AGAP1: variants seen among roughly 807,000 people sequenced by gnomAD.
AGAP1 encodes ArfGAP with GTPase domain, ankyrin repeat and PH domain 1, also known as arf-GAP with GTPase, ANK repeat and PH domain-containing protein 1.
A neutral mutation model predicts 105.3 loss-of-function variants in AGAP1; 29 were observed. The ratio of observed to expected loss-of-function variants is 0.28; its 90% CI spans 0.21 to 0.38. The LOEUF (loss-of-function observed/expected upper bound fraction) is 0.38, where lower values mean the gene tolerates loss of function less well. Ranked by LOEUF, AGAP1 falls within the 10% of genes least tolerant of loss-of-function variation. The probability of loss-of-function intolerance (pLI) is 1.00; values close to 1 mark genes in which losing one functional copy is unlikely to be tolerated. For synonymous variants in AGAP1, 509 were observed against 485.9 expected (o/e 1.05, Z -0.63); for missense variants, 998 against 1,165.1 (o/e 0.86, Z 2.09).
chr2:235,808,317 C>T (rs773060414), intron 9 of AGAP1, among the ~76,000 whole-genome samples: 24 of 152,358 alleles, frequency 1.6e-4, no homozygotes, highest in Non-Finnish European at 2.5e-4. Context: ...GGCACCTACA[C>T]AGCATCGGTA....
Position 235,958,600 on chromosome 2 carries a change from G to A in AGAP1, c.1484-9862G>A, listed in dbSNP as rs1005061710. 2.0e-5 allele frequency among the ~76,000 whole-genome samples: 3 copies of A among 152,156 alleles called. No homozygotes were observed. Among genetic ancestry groups the A allele is most frequent in the African/African-American group, 4.8e-5 (2 of 41,432 alleles). ...AAATTGCCCAGCTAATGATCGGCTG[G>A]GCAGATAATCGGAGGAGAGTTAATT... is the stretch of plus-strand genomic sequence containing the variant. On this transcript the variant is annotated intron_variant, in intron 12 of 17. Coordinates refer to ENST00000304032, the MANE Select transcript of AGAP1 (RefSeq NM_001037131.3). This position sits in a 1 kb window ranked among gnomAD's most constrained non-coding sequence, Gnocchi z 4.1.
At position 235,622,472 on chromosome 2, in the gene AGAP1, GAC is replaced by G. The variant is rs368317110; in HGVS notation, c.164-86705_164-86704del. On this transcript the variant is annotated intron_variant, in intron 1 of 17. Transcript: ENST00000304032. The surrounding 1 kb of genome is among the most constrained non-coding windows in gnomAD (Gnocchi z 5.0). The stretch of plus-strand genomic sequence containing the variant: ...CTGGTGCCTGGACTCAATCTGCAGA[GAC>G]AGGTGTCTGGGATCTGAAGACAGCA... 7.9e-5 allele frequency among the ~76,000 whole-genome samples: 12 copies of G among 152,326 alleles called. No homozygotes were observed. The highest frequency in any genetic ancestry group is 2.9e-4 in the African/African-American group (12 of 41,574).
chr2:236,117,110 G>A (rs529894598), intron 16 of AGAP1, among the ~76,000 whole-genome samples: 29 of 152,284 alleles, frequency 1.9e-4, no homozygotes, highest in African/African-American at 6.5e-4. Context: ...TCCTCTGAGT[G>A]GGTACAGTAG....
intron 1 of AGAP1, among the ~76,000 whole-genome samples, chr2:235,499,613 C>T (rs1941479852): frequency 6.6e-6 from 1 of 152,200 alleles, no homozygotes; most frequent in South Asian, 2.1e-4. Flanking sequence ...GTCCAGCTTA[C>T]TCATGCTTCT....
At chr2:235,780,067 C>T (rs1956161818) in intron 6 of AGAP1, among the ~76,000 whole-genome samples, 1 of 152,188 alleles carries the variant, frequency 6.6e-6, no homozygotes, top group African/African-American at 2.4e-5. Flanking sequence ...CCACGTTAGC[C>T]TAAAAGAGTG....
chr2:235,880,417 C>G (rs562944304), intron 9 of AGAP1, among the ~76,000 whole-genome samples: 3 of 152,012 alleles, frequency 2.0e-5, no homozygotes, highest in South Asian at 2.1e-4. Flanking sequence ...CACCAGAGAC[C>G]GTGGCCCTGG....
At chr2:235,651,645 G>T (rs1475876706) in intron 1 of AGAP1, among the ~76,000 whole-genome samples, 3 of 152,154 alleles carry the variant, frequency 2.0e-5, no homozygotes, top group Non-Finnish European at 4.4e-5. Context: ...CCTGTGTGCT[G>T]GTGGGTGGGC....
At position 235,874,459 on chromosome 2, in the gene AGAP1, CCTT is replaced by C; in HGVS notation, c.1051-8885_1051-8883del. On this transcript the variant is annotated intron_variant, in intron 9 of 17. Transcript: ENST00000304032. This position sits in a 1 kb window ranked among gnomAD's most constrained non-coding sequence, Gnocchi z 4.5. The stretch of plus-strand genomic sequence containing the variant: ...CTCAGACATGGCTGCCCTCATGCCT[CCTT>C]GGGGCCAGGGCTGTGGTTATAGTTG... Among the ~76,000 whole-genome samples the C allele has an allele frequency of 6.6e-6, 1 of 152,310 alleles. No individual in the cohort carries two copies. Among genetic ancestry groups the C allele is most frequent in the East Asian group, 1.9e-4 (1 of 5,176 alleles).
At chr2:235,881,071 A>G (rs12692182) in intron 9 of AGAP1, among the ~76,000 whole-genome samples, 59,341 of 152,066 alleles carry the variant, frequency 0.39, 12,062 homozygotes, top group South Asian at 0.73. Context: ...CAAAGAAATC[A>G]TCTTCTAAAG....
rs1457311284 is a variant in AGAP1 at position 236,127,981 on chromosome 2, G to C, written c.*3859G>C. 2 of 152,214 alleles carry C rather than the reference G, an allele frequency of 1.3e-5. No homozygotes were observed. The highest frequency in any genetic ancestry group is 4.8e-5 in the African/African-American group (2 of 41,408). The allele number at this position is 152,214 out of a possible 1,614,324, so 9.4% of individuals were successfully genotyped here. A position where few individuals can be genotyped will look rare whatever the true frequency, so the allele number is the denominator to read the frequency against. On this transcript the variant is annotated 3_prime_UTR_variant, in exon 18 of 18. Transcript: ENST00000304032. This position sits in a 1 kb window ranked among gnomAD's most constrained non-coding sequence, Gnocchi z 6.6. ...TTGTTAATAACAGAAACACTGATGG[G>C]ACCGAAGCCAGTGCACACACCAGGA...
Position 236,046,922 on chromosome 2 carries a change from C to G in AGAP1, c.1892-2137C>G, listed in dbSNP as rs1278950523. Among the ~76,000 whole-genome samples the G allele has an allele frequency of 6.6e-6, 1 of 152,158 alleles. No homozygotes were observed. The highest frequency in any genetic ancestry group is 1.5e-5 in the Non-Finnish European group (1 of 68,028). On this transcript the variant is annotated intron_variant, in intron 15 of 17. Coordinates refer to ENST00000304032, the MANE Select transcript of AGAP1 (RefSeq NM_001037131.3). This position sits in a 1 kb window ranked among gnomAD's most constrained non-coding sequence, Gnocchi z 5.2. The stretch of plus-strand genomic sequence containing the variant: ...CCCAGGCAGGAGGATTGCTTGAGCC[C>G]AGTGGTTGAAGCCTGGGCAACATAG...
At chr2:235,646,324 T>TAAG (rs1433337088) in intron 1 of AGAP1, among the ~76,000 whole-genome samples, 1 of 151,982 alleles carries the variant, frequency 6.6e-6, no homozygotes, top group Non-Finnish European at 1.5e-5. Flanking sequence ...GGAGCCATCT[T>TAAG]AAGATAATGC....
At position 235,951,842 on chromosome 2, in the gene AGAP1, A is replaced by C. The variant is rs112017265; in HGVS notation, c.1484-16620A>C. 2.0e-5 allele frequency among the ~76,000 whole-genome samples: 3 copies of C among 152,290 alleles called. No individual in the cohort carries two copies. Among genetic ancestry groups the C allele is most frequent in the African/African-American group, 7.2e-5 (3 of 41,568 alleles). ...ACCAGCCAAACTTAGAGCTTCATAA[A>C]TGCAGGAAACTGTCAGGTTCCTTTC... On this transcript the variant is annotated intron_variant, in intron 12 of 17. Transcript: ENST00000304032. The surrounding 1 kb of genome is among the most constrained non-coding windows in gnomAD (Gnocchi z 4.2).
intron 13 of AGAP1, among the ~76,000 whole-genome samples, chr2:235,975,353 T>G (rs1024435783): frequency 6.6e-6 from 1 of 152,220 alleles, no homozygotes; most frequent in Non-Finnish European, 1.5e-5. Flanking sequence ...TTGTTTTTTT[T>G]CTTGCAGGAA....
intron 1 of AGAP1, among the ~76,000 whole-genome samples, chr2:235,589,973 C>T (rs1424098675): frequency 2.6e-5 from 4 of 152,002 alleles, no homozygotes; most frequent in Admixed American, 6.6e-5. Flanking sequence ...CTCTGCCTCC[C>T]GGGTTCAAGC....
At chr2:235,861,702 G>A (rs1370548722) in intron 9 of AGAP1, among the ~76,000 whole-genome samples, 2 of 152,152 alleles carry the variant, frequency 1.3e-5, no homozygotes, top group Non-Finnish European at 2.9e-5. Context: ...CTGCTTGTCT[G>A]TAGAAAGACC....
chr2:235,975,031 A>C (rs2054800147), intron 13 of AGAP1, among the ~76,000 whole-genome samples: 1 of 152,236 alleles, frequency 6.6e-6, no homozygotes, highest in African/African-American at 2.4e-5. Flanking sequence ...AAAGTTAGGG[A>C]AGGCTAACCT....
chr2:235,765,242 TG>T (rs1451049752), intron 6 of AGAP1, among the ~76,000 whole-genome samples: 1 of 20,300 alleles, frequency 4.9e-5, no homozygotes, highest in Non-Finnish European at 9.2e-5. Flanking sequence ...GGAGCGTCCG[TG>T]GGGTGGGGGC....
rs1192058507 is a variant in AGAP1 at position 236,046,796 on chromosome 2, G to A, written c.1892-2263G>A. ...AGATCACAACGGAGCAACCAGGAAA[G>A]TGGGGAAAAAATCCAGAGAGGTCGT... is the stretch of plus-strand genomic sequence containing the variant. On this transcript the variant is annotated intron_variant, in intron 15 of 17. Transcript: ENST00000304032. The surrounding 1 kb of genome is among the most constrained non-coding windows in gnomAD (Gnocchi z 5.2). Among the ~76,000 whole-genome samples, 1 of 152,126 alleles carries A rather than the reference G, an allele frequency of 6.6e-6. No homozygotes were observed. Among genetic ancestry groups the A allele is most frequent in the Admixed American group, 6.6e-5 (1 of 15,262 alleles).
Sources: allele counts gnomAD v4.1 joint callset (sites outside exome capture counted in the v4.1 genomes callset), GRCh38; gene constraint gnomAD v4.1.1; non-coding constraint Gnocchi (gnomAD v3.1); transcripts MANE v1.5; gene names NCBI Gene and HGNC (gene_info 2026-07-23, HGNC 2026-07-21).